The following DPP6 variants were observed in gnomAD, a reference collection of about 807,000 sequenced individuals.
DPP6 encodes the protein A-type potassium channel modulatory protein DPP6.
Under a neutral mutation model 122.6 loss-of-function variants are expected in DPP6, and 69 were observed. That is an observed-to-expected ratio of 0.56 (90% CI 0.46 to 0.69). The LOEUF is 0.69. DPP6 is among the 30% of genes least tolerant of loss of function. DPP6 has a pLI of 0.00. For missense variants in DPP6, 928 were observed against 1,116.9 expected (o/e 0.83, Z 2.41); for synonymous variants, 418 against 433.1 (o/e 0.97, Z 0.43).
chr7:154,320,299 G>A (rs975993098), intron 1 of DPP6, among the ~76,000 whole-genome samples: 3 of 152,016 alleles, frequency 2.0e-5, no homozygotes, highest in Non-Finnish European at 4.4e-5. Context: ...TCTCCATAAA[G>A]GACTCTGGTG....
intron 1 of DPP6, chr7:154,056,061 G>C (rs1333810882): frequency 6.6e-6 from 1 of 152,204 alleles, no homozygotes; most frequent in Non-Finnish European, 1.5e-5. Context: ...CTAACACAGA[G>C]AAATAAAATG....
intron 1 of DPP6, among the ~76,000 whole-genome samples, chr7:154,080,676 G>A (rs1435590390): frequency 6.6e-6 from 1 of 152,096 alleles, no homozygotes; most frequent in African/African-American, 2.4e-5. Context: ...CCCCTTTCAT[G>A]GAACACAAGG....
chr7:153,780,970 A>AT, the DPP6 span, among the ~76,000 whole-genome samples: 281 of 131,824 alleles, frequency 2.1e-3, 4 homozygotes, highest in South Asian at 8.7e-3. Context: ...TAAAGAATGA[A>AT]TTTTTTAAAA....
intron 7 of DPP6, among the ~76,000 whole-genome samples, chr7:154,712,877 G>A (rs1841271653): frequency 6.6e-6 from 1 of 152,162 alleles, no homozygotes; most frequent in Admixed American, 6.6e-5. Context: ...ACAAAATCAT[G>A]CCCTTCCAAA....
intron 3 of DPP6, among the ~76,000 whole-genome samples, chr7:154,489,671 AC>A (rs1399984009): frequency 6.6e-6 from 1 of 151,306 alleles, no homozygotes; most frequent in African/African-American, 2.4e-5. Context: ...CTCTCTCAAG[AC>A]CCCTTATTCA....
intron 16 of DPP6, among the ~76,000 whole-genome samples, chr7:154,830,266 C>G (rs139202468): frequency 1.1e-3 from 170 of 152,276 alleles, no homozygotes; most frequent in African/African-American, 3.9e-3. Flanking sequence ...CTCTGTCTAT[C>G]GATTGCTCTC....
intron 1 of DPP6, among the ~76,000 whole-genome samples, chr7:154,122,566 C>T (rs865988697): frequency 3.3e-5 from 5 of 152,136 alleles, no homozygotes; most frequent in African/African-American, 1.2e-4. Context: ...TGTGTTTCTT[C>T]ATGTGGGTAA....
intron 5 of DPP6, among the ~76,000 whole-genome samples, chr7:154,619,074 C>CT (rs1361634053): frequency 6.6e-6 from 1 of 152,196 alleles, no homozygotes; most frequent in Non-Finnish European, 1.5e-5. Context: ...TAAGATGTGA[C>CT]TTTGCTCCTC....
chr7:153,862,221 G>T, the DPP6 span, among the ~76,000 whole-genome samples: 1 of 152,164 alleles, frequency 6.6e-6, no homozygotes, highest in African/African-American at 2.4e-5. Context: ...AAGAGGAAAT[G>T]AGATTTTTAA....
chr7:154,743,365 C>G (rs535282566), intron 8 of DPP6, among the ~76,000 whole-genome samples: 1 of 152,284 alleles, frequency 6.6e-6, no homozygotes, highest in South Asian at 2.1e-4. Flanking sequence ...GCCTAATGAG[C>G]CTGTGCTGCC....
chr7:154,181,388 G>T (rs1386006802), intron 1 of DPP6, among the ~76,000 whole-genome samples: 4 of 152,158 alleles, frequency 2.6e-5, no homozygotes, highest in African/African-American at 9.7e-5. Context: ...TTCCTTGCAA[G>T]AGCCAGCTCT....
At chr7:154,203,410 A>T (rs1371731973) in intron 1 of DPP6, among the ~76,000 whole-genome samples, 2 of 152,188 alleles carry the variant, frequency 1.3e-5, no homozygotes, top group African/African-American at 2.4e-5. Flanking sequence ...TCTGAAGGTG[A>T]CATGCTGCAG....
chr7:154,253,878 G>A (rs1020493338), intron 1 of DPP6, among the ~76,000 whole-genome samples: 1 of 152,188 alleles, frequency 6.6e-6, no homozygotes, highest in African/African-American at 2.4e-5. Context: ...AATTATGGTG[G>A]GAGGTAAAGG....
chr7:154,747,005 C>T lies in DPP6; in HGVS notation c.883+19118C>T, dbSNP rs376488958. 4.6e-5 allele frequency among the ~76,000 whole-genome samples: 7 copies of T among 152,244 alleles called. No homozygotes were observed. The South Asian group carries it at 1.2e-3, about 27-fold the overall frequency. The stretch of plus-strand genomic sequence containing the variant: ...CATTCGTAGCTGATAATATCAGTTA[C>T]AATCATGCAGGATCATCCAGGAATA... On this transcript the variant is annotated intron_variant, in intron 8 of 25. Transcript: ENST00000377770.
At chr7:154,770,196 T>C (rs774452273) in intron 9 of DPP6, among the ~76,000 whole-genome samples, 3 of 152,180 alleles carry the variant, frequency 2.0e-5, no homozygotes, top group Non-Finnish European at 4.4e-5. Context: ...GAAAGATTTA[T>C]TGGACTTACA....
At chr7:154,386,156 A>G (rs1228679837) in intron 1 of DPP6, among the ~76,000 whole-genome samples, 1 of 152,186 alleles carries the variant, frequency 6.6e-6, no homozygotes, top group Non-Finnish European at 1.5e-5. Flanking sequence ...CACATCACAT[A>G]TTTAAACTCT....
chr7:153,990,814 C>T (rs1233786497), intron 1 of DPP6, among the ~76,000 whole-genome samples: 3 of 152,282 alleles, frequency 2.0e-5, no homozygotes, highest in Non-Finnish European at 2.9e-5. Context: ...GAAAAGAGGA[C>T]GAAGGAGTGA....
intron 1 of DPP6, among the ~76,000 whole-genome samples, chr7:154,273,653 T>C (rs1803940823): frequency 6.6e-6 from 1 of 152,216 alleles, no homozygotes; most frequent in Non-Finnish European, 1.5e-5. Context: ...TAATGGGCAG[T>C]ATATTTTAAA....
chr7:153,862,807 T>A, the DPP6 span, among the ~76,000 whole-genome samples: 3 of 152,150 alleles, frequency 2.0e-5, no homozygotes, highest in African/African-American at 7.2e-5. Context: ...ATAAAAATTA[T>A]GCGTTAAGTA....
Sources: gnomAD v4.1 joint callset for allele counts (sites outside exome capture counted in the v4.1 genomes callset) on GRCh38, gnomAD v4.1.1 for gene constraint, MANE v1.5 for transcripts, NCBI Gene and HGNC (gene_info 2026-07-23, HGNC 2026-07-21) for gene names.